Variants in EPHA6 observed in about 807,000 individuals in gnomAD.
EPHA6 encodes the protein ephrin type-A receptor 6.
Under a neutral mutation model 112.0 loss-of-function variants are expected in EPHA6, and 50 were observed. The observed-to-expected ratio is 0.45, with a 90% CI of 0.36 to 0.56. The LOEUF (loss-of-function observed/expected upper bound fraction) is 0.56, where lower values mean the gene tolerates loss of function less well. Among genes scored for constraint, EPHA6 ranks in the 20% least tolerant of loss-of-function variants. The probability of loss-of-function intolerance (pLI) is 0.00; values close to 1 mark genes in which losing one functional copy is unlikely to be tolerated. For missense variants in EPHA6, 1,280 were observed against 1,417.4 expected (o/e 0.90, Z 1.56); for synonymous variants, 529 against 490.7 (o/e 1.08, Z -1.03).
intron 1 of EPHA6, among the ~76,000 whole-genome samples, chr3:96,855,266 C>T (rs1015951590): frequency 1.1e-4 from 17 of 152,124 alleles, no homozygotes; most frequent in Non-Finnish European, 1.6e-4. Context: ...GGATTAGCAA[C>T]GTTAATTCCA....
intron 13 of EPHA6, among the ~76,000 whole-genome samples, chr3:97,625,116 C>T (rs1643298321): frequency 6.6e-6 from 1 of 150,734 alleles, no homozygotes; most frequent in Non-Finnish European, 1.5e-5. Flanking sequence ...TCTCTTGTTC[C>T]TTACGTTGTT....
chr3:97,110,907 C>T (rs972932610), intron 3 of EPHA6, among the ~76,000 whole-genome samples: 2 of 151,998 alleles, frequency 1.3e-5, no homozygotes, highest in African/African-American at 4.8e-5. Context: ...AAATTAGACC[C>T]AAGTTGTCAA....
intron 5 of EPHA6, among the ~76,000 whole-genome samples, chr3:97,311,789 G>A (rs1026192522): frequency 8.2e-6 from 1 of 121,772 alleles, no homozygotes; most frequent in South Asian, 2.4e-4. Context: ...TTTTTTATTT[G>A]TCTTAGAGTA....
At chr3:97,162,607 A>C (rs1292661537) in intron 3 of EPHA6, among the ~76,000 whole-genome samples, 1 of 152,002 alleles carries the variant, frequency 6.6e-6, no homozygotes, top group Non-Finnish European at 1.5e-5. Context: ...TTCCCAATGC[A>C]CTCTTACCCT....
chr3:97,386,040 C>A (rs2086047160), intron 5 of EPHA6, among the ~76,000 whole-genome samples: 1 of 152,092 alleles, frequency 6.6e-6, no homozygotes, highest in Non-Finnish European at 1.5e-5. Context: ...AATTTCATGT[C>A]CTTCTCACAT....
intron 3 of EPHA6, among the ~76,000 whole-genome samples, chr3:97,031,927 C>T (rs1050471880): frequency 7.2e-5 from 11 of 152,108 alleles, no homozygotes; most frequent in African/African-American, 2.7e-4. Flanking sequence ...TACCATTTGA[C>T]CCAGCCATCC....
chr3:97,531,276 TAA>T (rs1377907431), intron 10 of EPHA6, among the ~76,000 whole-genome samples: 1 of 152,006 alleles, frequency 6.6e-6, no homozygotes, highest in Non-Finnish European at 1.5e-5. Context: ...CTAGAAAAAT[TAA>T]AAGTCTAGAA....
At chr3:97,644,003 C>A (rs896604282) in intron 14 of EPHA6, among the ~76,000 whole-genome samples, 38 of 151,526 alleles carry the variant, frequency 2.5e-4, no homozygotes, top group Non-Finnish European at 4.4e-4. Context: ...CAGCACCACA[C>A]CACACCTATT....
At chr3:97,213,865 G>A (rs996696487) in intron 3 of EPHA6, among the ~76,000 whole-genome samples, 3 of 152,100 alleles carry the variant, frequency 2.0e-5, no homozygotes, top group South Asian at 2.1e-4. Flanking sequence ...GTATATTTAT[G>A]TAGGTCTAAT....
At chr3:96,848,833 T>G (rs991697444) in intron 1 of EPHA6, among the ~76,000 whole-genome samples, 1 of 152,152 alleles carries the variant, frequency 6.6e-6, no homozygotes, top group Admixed American at 6.6e-5. Context: ...TCTGAATAGC[T>G]TTATGCTTAT....
chr3:97,199,345 T>A (rs1236342910), intron 3 of EPHA6, among the ~76,000 whole-genome samples: 1 of 152,134 alleles, frequency 6.6e-6, no homozygotes, highest in Non-Finnish European at 1.5e-5. Flanking sequence ...ATAGGACACA[T>A]GCATATAATG....
intron 11 of EPHA6, among the ~76,000 whole-genome samples, chr3:97,551,017 G>T (rs1390951025): frequency 6.6e-6 from 1 of 152,132 alleles, no homozygotes; most frequent in African/African-American, 2.4e-5. Context: ...TATAAAATTA[G>T]AAGCTCTTCT....
chr3:97,700,292 G>A (rs776943071), intron 14 of EPHA6, among the ~76,000 whole-genome samples: 5 of 152,256 alleles, frequency 3.3e-5, no homozygotes, highest in African/African-American at 4.8e-5. Context: ...ACCAAAGTTC[G>A]CCATATTATG....
chr3:96,994,759 A>AGAGAGAGAGAGAGCGAGCGAGC (rs763682996), intron 3 of EPHA6, among the ~76,000 whole-genome samples: 1 of 116,214 alleles, frequency 8.6e-6, no homozygotes, highest in Non-Finnish European at 1.8e-5. Flanking sequence ...AGAGAGAGAG[A>AGAGAGAGAGAGAGCGAGCGAGC]GAGCTATATA....
chr3:97,624,050 G>A (rs1025564401), intron 13 of EPHA6, among the ~76,000 whole-genome samples: 1 of 151,588 alleles, frequency 6.6e-6, no homozygotes, highest in Admixed American at 6.6e-5. Flanking sequence ...AAAAGTTGTT[G>A]TTGGAATTCT....
At chr3:97,627,795 T>A (rs982321311) in intron 13 of EPHA6, among the ~76,000 whole-genome samples, 4 of 151,980 alleles carry the variant, frequency 2.6e-5, no homozygotes, top group Non-Finnish European at 4.4e-5. Context: ...CATATTTGGC[T>A]ATATATTATA....
At chr3:97,156,284 G>A (rs919078865) in intron 3 of EPHA6, among the ~76,000 whole-genome samples, 1 of 152,016 alleles carries the variant, frequency 6.6e-6, no homozygotes, top group South Asian at 2.1e-4. Flanking sequence ...GACCTGTGTG[G>A]TAAATGGCCA....
At chr3:97,724,045 T>C (rs1326450247) in intron 15 of EPHA6, among the ~76,000 whole-genome samples, 1 of 152,210 alleles carries the variant, frequency 6.6e-6, no homozygotes, top group Non-Finnish European at 1.5e-5. Context: ...GAAAATGTGA[T>C]AGACAATACA....
At chr3:97,075,813 T>C (rs1200829219) in intron 3 of EPHA6, among the ~76,000 whole-genome samples, 1 of 152,048 alleles carries the variant, frequency 6.6e-6, no homozygotes, top group African/African-American at 2.4e-5. Context: ...CTTGTAGTGT[T>C]TAAAAAATTT....
Sources: allele counts gnomAD v4.1 joint callset (sites outside exome capture counted in the v4.1 genomes callset), GRCh38; gene constraint gnomAD v4.1.1; transcripts MANE v1.5; gene names NCBI Gene and HGNC (gene_info 2026-07-23, HGNC 2026-07-21).